The following CADPS variants were observed in gnomAD, a reference collection of about 807,000 sequenced individuals.
CADPS encodes the protein calcium-dependent secretion activator 1.
A neutral mutation model predicts 167.3 loss-of-function variants in CADPS; 57 were observed. The observed-to-expected ratio is 0.34, with a 90% CI of 0.28 to 0.42. The LOEUF (loss-of-function observed/expected upper bound fraction) is 0.42, where lower values mean the gene tolerates loss of function less well. CADPS is among the 20% of genes least tolerant of loss of function. CADPS has a pLI of 1.00. For synonymous variants in CADPS, 676 were observed against 635.3 expected, an observed-to-expected ratio of 1.06 and a Z score of -0.96; for missense variants, 1,414 against 1,738.1, an observed-to-expected ratio of 0.81 and a Z score of 3.32.
chr3:62,675,593 G>A (rs2076218403), intron 3 of CADPS, among the ~76,000 whole-genome samples: 1 of 152,114 alleles, frequency 6.6e-6, no homozygotes. Flanking sequence ...ATTTTAACCA[G>A]TATAAATTAA....
intron 1 of CADPS, among the ~76,000 whole-genome samples, chr3:62,844,638 T>A (rs1487112370): frequency 6.6e-6 from 1 of 152,208 alleles, no homozygotes; most frequent in Non-Finnish European, 1.5e-5. Flanking sequence ...ATAGTTATCA[T>A]GACCTGTGAA....
chr3:62,816,064 T>C (rs939971634), intron 1 of CADPS, among the ~76,000 whole-genome samples: 2 of 152,134 alleles, frequency 1.3e-5, no homozygotes, highest in African/African-American at 2.4e-5. Flanking sequence ...GGGGGATGCA[T>C]ATATTTTAGT....
At chr3:62,853,916 A>G (rs963024975) in intron 1 of CADPS, among the ~76,000 whole-genome samples, 2 of 152,138 alleles carry the variant, frequency 1.3e-5, no homozygotes, top group African/African-American at 4.8e-5. Context: ...TGATCTTTCC[A>G]CAGCACTCCA....
At chr3:62,715,360 A>ATC (rs1333167790) in intron 3 of CADPS, among the ~76,000 whole-genome samples, 4 of 150,018 alleles carry the variant, frequency 2.7e-5, no homozygotes, top group East Asian at 3.9e-4. Context: ...AGCCCTATCT[A>ATC]TCTATCTATC....
chr3:62,803,592 G>C (rs986130524), intron 1 of CADPS, among the ~76,000 whole-genome samples: 4 of 151,878 alleles, frequency 2.6e-5, no homozygotes, highest in Non-Finnish European at 4.4e-5. Flanking sequence ...TATGATCCTG[G>C]GTTCCTTACC....
chr3:62,533,852 ACTT>A (rs2074195297), intron 12 of CADPS, among the ~76,000 whole-genome samples: 2 of 152,146 alleles, frequency 1.3e-5, no homozygotes, highest in Admixed American at 1.3e-4. Flanking sequence ...ACTGAGAGGA[ACTT>A]CTTGTGTCCT....
At chr3:62,600,568 GCTCTAA>G (rs2059814473) in intron 6 of CADPS, among the ~76,000 whole-genome samples, 1 of 152,160 alleles carries the variant, frequency 6.6e-6, no homozygotes, top group Non-Finnish European at 1.5e-5. Context: ...ATCAGATGAG[GCTCTAA>G]CTTTCACTGC....
At position 62,481,794 on chromosome 3, in the gene CADPS, G is replaced by A. The variant is rs2062050386; in HGVS notation, c.3102C>T (p.Asn1034=). The change falls in exon 22 of 30, where the codon AAC becomes AAT. Residue 1034 remains asparagine, a synonymous_variant. Transcript: ENST00000383710. The part of the protein sequence containing the change: ...NLPKVPNLPV[N]IPLGIPQMPT... ...GCATTTGTGGGATGCCTAGAGGGAT[G>A]TTAACTGGTAGATTTGGTACTTTGG... The A allele has an allele frequency of 6.2e-7, 1 of 1,611,786 alleles. No individual in the cohort carries two copies. The highest frequency in any genetic ancestry group is 1.7e-5 in the Admixed American group (1 of 59,598).
At chr3:62,580,666 C>T (rs901372263) in intron 8 of CADPS, among the ~76,000 whole-genome samples, 2 of 151,596 alleles carry the variant, frequency 1.3e-5, no homozygotes, top group African/African-American at 4.8e-5. Context: ...AGATTAACTG[C>T]TAATATCTCA....
rs565785412 is a variant in CADPS at position 62,869,508 on chromosome 3, T to A, written c.441+5081A>T. On this transcript the variant is annotated intron_variant, in intron 1 of 29. Transcript: ENST00000383710. ...TATGCTTACTCAAATGAAATTAACT[T>A]TTAAAGACCTAACCCTAGTCTACTT... Among the ~76,000 whole-genome samples, 3 of 152,262 alleles carry A rather than the reference T, an allele frequency of 2.0e-5. No homozygotes were observed. The East Asian group carries it at 5.8e-4, about 29-fold the overall frequency.
At chr3:62,841,575 G>A (rs568459290) in intron 1 of CADPS, among the ~76,000 whole-genome samples, 1 of 152,272 alleles carries the variant, frequency 6.6e-6, no homozygotes, top group African/African-American at 2.4e-5. Context: ...AAATTAGCTG[G>A]GCGTGGTGGC....
intron 3 of CADPS, among the ~76,000 whole-genome samples, chr3:62,707,638 AT>A (rs1295110927): frequency 6.6e-6 from 1 of 152,178 alleles, no homozygotes; most frequent in African/African-American, 2.4e-5. Flanking sequence ...CACTTGAAAT[AT>A]GGCTAATCTA....
intron 1 of CADPS, among the ~76,000 whole-genome samples, chr3:62,778,973 C>T (rs955334647): frequency 1.3e-5 from 2 of 151,518 alleles, no homozygotes; most frequent in African/African-American, 4.8e-5. Context: ...TCACTGCAAC[C>T]TCCACCTGCC....
intron 9 of CADPS, among the ~76,000 whole-genome samples, chr3:62,558,185 C>T (rs557814470): frequency 1.3e-5 from 2 of 152,300 alleles, no homozygotes; most frequent in South Asian, 2.1e-4. Context: ...AGCGCTTGAT[C>T]GCTAGGTGCC....
intron 1 of CADPS, among the ~76,000 whole-genome samples, chr3:62,773,015 G>GGGACA (rs2089315169): frequency 6.6e-6 from 1 of 151,936 alleles, no homozygotes; most frequent in South Asian, 2.1e-4. Context: ...TGGGAAAAAA[G>GGGACA]GGACAGGTTT....
At chr3:62,559,713 T>C (rs6801751) in intron 9 of CADPS, among the ~76,000 whole-genome samples, 31,391 of 152,004 alleles carry the variant, frequency 0.21, 3,537 homozygotes, top group African/African-American at 0.29. Flanking sequence ...AAGCTGGTCT[T>C]GAACTCCCGA....
intron 2 of CADPS, among the ~76,000 whole-genome samples, chr3:62,759,563 C>T (rs1264152626): frequency 6.6e-6 from 1 of 152,016 alleles, no homozygotes; most frequent in Non-Finnish European, 1.5e-5. Flanking sequence ...TTTGTGTGAC[C>T]TTTGGAAAGG....
chr3:62,747,145 G>C (rs1462268844), intron 3 of CADPS, among the ~76,000 whole-genome samples: 2 of 152,214 alleles, frequency 1.3e-5, no homozygotes, highest in Non-Finnish European at 2.9e-5. Flanking sequence ...AAAATCTGTT[G>C]AATGAATGAT....
chr3:62,725,965 G>A (rs2076676161), intron 3 of CADPS, among the ~76,000 whole-genome samples: 2 of 151,844 alleles, frequency 1.3e-5, no homozygotes, highest in Non-Finnish European at 2.9e-5. Flanking sequence ...ACCTGCCAGA[G>A]TCTGGCTTTG....
Sources: gnomAD v4.1 joint callset for allele counts (sites outside exome capture counted in the v4.1 genomes callset) on GRCh38, gnomAD v4.1.1 for gene constraint, MANE v1.5 for transcripts, NCBI Gene and HGNC (gene_info 2026-07-23, HGNC 2026-07-21) for gene names.